Variants in PIK3AP1 observed in about 807,000 individuals in gnomAD.
PIK3AP1 encodes the protein phosphoinositide 3-kinase adapter protein 1.
In PIK3AP1, 21 loss-of-function variants were observed where a neutral mutation model predicts 88.1. That is an observed-to-expected ratio of 0.24 (90% confidence interval 0.17 to 0.34). The LOEUF (loss-of-function observed/expected upper bound fraction) is 0.34, where lower values mean the gene tolerates loss of function less well. Ranked by LOEUF, PIK3AP1 falls within the 10% of genes least tolerant of loss-of-function variation. PIK3AP1 has a pLI of 1.00. For synonymous variants in PIK3AP1, 398 were observed against 400.0 expected, an observed-to-expected ratio of 1.00 and a Z score of 0.06; for missense variants, 828 against 1,035.7, an observed-to-expected ratio of 0.80 and a Z score of 2.75.
At chr10:96,656,730 C>T in intron 3 of PIK3AP1, 68 bp downstream of exon 3, 11 of 1,583,370 alleles carry the variant, frequency 6.9e-6, no homozygotes, top group Non-Finnish European at 9.5e-6. Flanking sequence ...CTCTTTACTG[C>T]AACAAATGCA....
chr10:96,703,524 A>G (rs1844325158), intron 2 of PIK3AP1, among the ~76,000 whole-genome samples: 1 of 152,216 alleles, frequency 6.6e-6, no homozygotes, highest in Admixed American at 6.5e-5. Context: ...AAAACACTCA[A>G]TATCACCCAC....
chr10:96,647,866 G>A (rs1383059321), intron 7 of PIK3AP1, among the ~76,000 whole-genome samples: 1 of 152,176 alleles, frequency 6.6e-6, no homozygotes, highest in African/African-American at 2.4e-5. Context: ...ACGAGGGACT[G>A]GGATCAGGAA....
intron 2 of PIK3AP1, among the ~76,000 whole-genome samples, chr10:96,668,956 C>A (rs1041526184): frequency 6.6e-6 from 1 of 151,938 alleles, no homozygotes; most frequent in African/African-American, 2.4e-5. Context: ...ATGGTGAAAC[C>A]CCATCTCTAC....
rs76366297 is a variant in PIK3AP1 at position 96,621,973 on chromosome 10, A to T, written c.1736-1416T>A. 2.0e-4 allele frequency among the ~76,000 whole-genome samples: 30 copies of T among 152,348 alleles called. 1 individual carries two copies. In the East Asian group the frequency reaches 5.6e-3, roughly 28 times the overall value. ...GGGGGTACAAAATCACTTCCAATTG[A>T]GAACCACTGCTTTAGACTTAAATCC... On this transcript the variant is annotated intron_variant, in intron 11 of 16. Coordinates refer to ENST00000339364, the MANE Select transcript of PIK3AP1 (RefSeq NM_152309.3).
intron 2 of PIK3AP1, among the ~76,000 whole-genome samples, chr10:96,679,285 T>C (rs1843966261): frequency 6.6e-6 from 1 of 152,162 alleles, no homozygotes; most frequent in Non-Finnish European, 1.5e-5. Context: ...CCCAGCACTT[T>C]GGGAGGCCAA....
chr10:96,718,293 A>G (rs1844528655), intron 1 of PIK3AP1, among the ~76,000 whole-genome samples: 2 of 152,264 alleles, frequency 1.3e-5, no homozygotes, highest in Non-Finnish European at 2.9e-5. Flanking sequence ...GATGAATTGT[A>G]TGGCATGTGA....
At chr10:96,712,283 C>T (rs1024323745) in intron 1 of PIK3AP1, among the ~76,000 whole-genome samples, 1 of 152,044 alleles carries the variant, frequency 6.6e-6, no homozygotes, top group African/African-American at 2.4e-5. Context: ...AAAACCAGTC[C>T]GCAATTCTGA....
chr10:96,624,068 G>A (rs1393893032), intron 10 of PIK3AP1, among the ~76,000 whole-genome samples: 1 of 152,202 alleles, frequency 6.6e-6, no homozygotes, highest in Non-Finnish European at 1.5e-5. Context: ...GGCTCCCTGG[G>A]CTCTGAAAGA....
intron 8 of PIK3AP1, chr10:96,632,934 A>C (rs1843263846): frequency 6.2e-7 from 1 of 1,612,666 alleles, no homozygotes; most frequent in Admixed American, 1.7e-5. Flanking sequence ...CACAAAGATA[A>C]AGGACACAAG....
chr10:96,640,050 G>C (rs573159055), intron 8 of PIK3AP1, among the ~76,000 whole-genome samples: 3 of 152,170 alleles, frequency 2.0e-5, no homozygotes, highest in Non-Finnish European at 4.4e-5. Context: ...CAGTTACCAG[G>C]GAGGTTGCTA....
chr10:96,613,842 G>A (rs1229104208), intron 13 of PIK3AP1, among the ~76,000 whole-genome samples: 2 of 152,144 alleles, frequency 1.3e-5, no homozygotes, highest in African/African-American at 4.8e-5. Flanking sequence ...CAGGTGCCAG[G>A]CACTGTGCTA....
At chr10:96,693,441 G>GTGGATGGA (rs3979613) in intron 2 of PIK3AP1, among the ~76,000 whole-genome samples, 185 of 150,648 alleles carry the variant, frequency 1.2e-3, no homozygotes, top group Admixed American at 3.8e-3. Flanking sequence ...AGATAGATGA[G>GTGGATGGA]TGGATGGATG....
rs567390356 is a variant in PIK3AP1 at position 96,695,271 on chromosome 10, T to C, written c.430+14296A>G. On this transcript the variant is annotated intron_variant, in intron 2 of 16. Coordinates refer to ENST00000339364, the MANE Select transcript of PIK3AP1 (RefSeq NM_152309.3). Reference sequence around the variant, plus strand: ...TAAATGCCAGATCCTGCAACAGAAATGTTTTCCCACATTTCACATGCTCTA... The same window carrying C: ...TAAATGCCAGATCCTGCAACAGAAACGTTTTCCCACATTTCACATGCTCTA... 3.3e-5 allele frequency among the ~76,000 whole-genome samples: 5 copies of C among 152,334 alleles called. 1 individual carries two copies. The South Asian group carries it at 1.0e-3, about 32-fold the overall frequency.
chr10:96,649,583 C>T lies in PIK3AP1; in HGVS notation c.989-728G>A, dbSNP rs182032022. ...AAAAGAAAGCAGTTCATCCTCTTAGCCCTTATTCCTAATTTCATGATAAGT... is the reference window on the plus strand; with the variant it reads ...AAAAGAAAGCAGTTCATCCTCTTAGTCCTTATTCCTAATTTCATGATAAGT... On this transcript the variant is annotated intron_variant, in intron 6 of 16. Transcript: ENST00000339364. Among the ~76,000 whole-genome samples, 96 of 152,320 alleles carry T rather than the reference C, an allele frequency of 6.3e-4. 1 individual carries two copies. The highest frequency in any genetic ancestry group is 2.3e-3 in the African/African-American group (94 of 41,574).
chr10:96,637,856 C>A (rs1392000877), intron 8 of PIK3AP1, among the ~76,000 whole-genome samples: 1 of 152,184 alleles, frequency 6.6e-6, no homozygotes, highest in East Asian at 1.9e-4. Flanking sequence ...GCCATACACT[C>A]TTCTACTCCT....
At chr10:96,677,518 G>A (rs963635320) in intron 2 of PIK3AP1, among the ~76,000 whole-genome samples, 1 of 150,452 alleles carries the variant, frequency 6.6e-6, no homozygotes, top group East Asian at 1.9e-4. Context: ...CTGAGGGTCT[G>A]TCCTGCCCCG....
chr10:96,597,255 T>G (rs897446625), intron 16 of PIK3AP1, among the ~76,000 whole-genome samples: 1 of 137,666 alleles, frequency 7.3e-6, no homozygotes, highest in Non-Finnish European at 1.6e-5. Context: ...GCCTTCTTTT[T>G]TTCTTTCTTT....
At chr10:96,702,266 C>T (rs958005550) in intron 2 of PIK3AP1, among the ~76,000 whole-genome samples, 15 of 152,002 alleles carry the variant, frequency 9.9e-5, no homozygotes, top group Non-Finnish European at 1.6e-4. Flanking sequence ...TTCAGGAGGC[C>T]GAGGCGGGAG....
chr10:96,609,950 CCT>C, intron 13 of PIK3AP1, 83 bp from the exon 14 acceptor site: 1 of 1,493,232 alleles, frequency 6.7e-7, no homozygotes. Context: ...CCTCCACCTG[CCT>C]CTCTCACAGG....
Sources: allele counts gnomAD v4.1 joint callset (sites outside exome capture counted in the v4.1 genomes callset), GRCh38; gene constraint gnomAD v4.1.1; transcripts MANE v1.5; gene names NCBI Gene and HGNC (gene_info 2026-07-23, HGNC 2026-07-21).